ITIH5: variants seen among roughly 807,000 people sequenced by gnomAD.
The protein encoded by ITIH5 is inter-alpha-trypsin inhibitor heavy chain H5.
ITIH5 carries 65 observed loss-of-function variants against 77.5 expected under a neutral mutation model. The ratio of observed to expected loss-of-function variants is 0.84; its 90% confidence interval spans 0.69 to 1.03. The LOEUF is 1.03. ITIH5 is among the 50% of genes least tolerant of loss of function. The pLI, the probability that ITIH5 is intolerant of heterozygous loss-of-function variation, is 0.00. For synonymous variants in ITIH5, 525 were observed against 494.3 expected, an observed-to-expected ratio of 1.06 and a Z score of -0.82; for missense variants, 1,208 against 1,213.1, an observed-to-expected ratio of 1.00 and a Z score of 0.06.
intron 2 of ITIH5, among the ~76,000 whole-genome samples, chr10:7,654,315 A>G (rs1200414451): frequency 6.6e-6 from 1 of 152,142 alleles, no homozygotes; most frequent in African/African-American, 2.4e-5. Flanking sequence ...ATTTACATGT[A>G]TGTATGTATT....
In ITIH5 at chr10:7,644,371, T is replaced by TATATATCACATATATCAC. The variant is rs71383930; in HGVS notation, c.136-2299_136-2282dup. ...TCACATATATATCATATATATCACA[T>TATATATCACATATATCAC]ATATATCACATATATCACATATATC... On this transcript the variant is annotated intron_variant, in intron 2 of 13. Transcript: ENST00000397146. Among the ~76,000 whole-genome samples the TATATATCACATATATCAC allele has an allele frequency of 4.7e-4, 65 of 139,580 alleles. 1 individual carries two copies. In the East Asian group the frequency reaches 0.013, roughly 28 times the overall value. 91.6% of individuals were successfully genotyped at this position (139,580 alleles called of 152,430 possible).
chr10:7,624,983 C>A (rs1456725977), intron 5 of ITIH5, among the ~76,000 whole-genome samples: 1 of 149,570 alleles, frequency 6.7e-6, no homozygotes, highest in Non-Finnish European at 1.5e-5. Context: ...CTGCCCCAAG[C>A]ATTTGAATTC....
Position 7,563,074 on chromosome 10 carries a change from C to G in ITIH5, c.*9G>C. The G allele has an allele frequency of 6.2e-7, 1 of 1,612,830 alleles. No individual in the cohort carries two copies. The highest frequency in any genetic ancestry group is 2.2e-5 in the East Asian group (1 of 44,876). Reference sequence around the variant, plus strand: ...CCTTCATGCACTTGCATCTTTAAGGCTGCCAGCTTCAGAGCTCCCTGGACA... The same window carrying G: ...CCTTCATGCACTTGCATCTTTAAGGGTGCCAGCTTCAGAGCTCCCTGGACA... On this transcript the variant is annotated 3_prime_UTR_variant, in exon 14 of 14. Coordinates refer to ENST00000397146, the MANE Select transcript of ITIH5 (RefSeq NM_030569.7).
At chr10:7,603,235 T>C (rs1390936003) in intron 7 of ITIH5, among the ~76,000 whole-genome samples, 3 of 152,200 alleles carry the variant, frequency 2.0e-5, no homozygotes, top group Non-Finnish European at 4.4e-5. Flanking sequence ...GAAGTGCAGA[T>C]GCACACTACG....
intron 7 of ITIH5, among the ~76,000 whole-genome samples, chr10:7,588,170 G>T (rs765592054): frequency 5.3e-5 from 8 of 152,184 alleles, no homozygotes; most frequent in Admixed American, 1.3e-4. Context: ...GATCACTTAA[G>T]GTCAGAAGTT....
chr10:7,573,189 A>G lies in ITIH5; in HGVS notation c.1985T>C (p.Leu662Ser). The change falls in exon 11 of 14, where the codon TTG (leucine) becomes TCG (serine). Residue 662 changes from leucine (L) to serine (S), a missense_variant. Leu to Ser is a moderately radical substitution (Grantham distance 145, BLOSUM62 -2). Coordinates refer to ENST00000397146, the MANE Select transcript of ITIH5 (RefSeq NM_030569.7). ...TCTTGGCTGGTATGGCTTCTTGAGC[A>G]AAGGTCCTAAAAGGGAGAAGGAAGA... ...VRGAGTQPGP[L>S]LKKPYQPRIK... The G allele has an allele frequency of 1.2e-6, 2 of 1,612,720 alleles. No homozygotes were observed. The highest frequency in any genetic ancestry group is 8.5e-7 in the Non-Finnish European group (1 of 1,178,734).
At chr10:7,626,263 G>A (rs963990172) in intron 5 of ITIH5, among the ~76,000 whole-genome samples, 17 of 152,158 alleles carry the variant, frequency 1.1e-4, no homozygotes, top group Non-Finnish European at 1.6e-4. Flanking sequence ...GTGTCTCACC[G>A]GTATTGGGCT....
At position 7,576,088 on chromosome 10, in the gene ITIH5, G is replaced by A. The variant is rs555826971; in HGVS notation, c.1978+365C>T. Among the ~76,000 whole-genome samples the A allele has an allele frequency of 4.6e-5, 7 of 152,270 alleles. No individual in the cohort carries two copies. The East Asian group carries it at 1.2e-3, about 25-fold the overall frequency. On this transcript the variant is annotated intron_variant, in intron 10 of 13. Transcript: ENST00000397146. ...CACCCAGGTTGGAGAGCAATGGTAC[G>A]ATCATGGCTCACTGCAGCCTCAAAC...
intron 2 of ITIH5, among the ~76,000 whole-genome samples, chr10:7,653,313 C>G (rs948306489): frequency 1.3e-5 from 2 of 152,046 alleles, no homozygotes; most frequent in Non-Finnish European, 2.9e-5. Flanking sequence ...TTCAAGCAAT[C>G]CTCCCGCCTC....
intron 8 of ITIH5, among the ~76,000 whole-genome samples, chr10:7,585,592 A>T (rs7072983): frequency 0.29 from 43,412 of 152,060 alleles, 6,916 homozygotes; most frequent in Non-Finnish European, 0.35. Context: ...TTACAAAAAC[A>T]GTATTGTTTT....
intron 9 of ITIH5, among the ~76,000 whole-genome samples, chr10:7,577,664 C>T (rs1195187871): frequency 6.6e-6 from 1 of 152,226 alleles, no homozygotes; most frequent in African/African-American, 2.4e-5. Context: ...GTTGCATGGT[C>T]GCTTCTTGCT....
At chr10:7,565,529 T>C (rs1015384103) in intron 13 of ITIH5, among the ~76,000 whole-genome samples, 74 of 149,976 alleles carry the variant, frequency 4.9e-4, no homozygotes, top group African/African-American at 1.7e-3. Flanking sequence ...ACTGTATATA[T>C]ACATACTTAT....
At chr10:7,593,298 G>A (rs1291100800) in intron 7 of ITIH5, among the ~76,000 whole-genome samples, 4 of 151,986 alleles carry the variant, frequency 2.6e-5, no homozygotes, top group African/African-American at 9.7e-5. Context: ...CATGTGGATG[G>A]ACTCCTGCCC....
At chr10:7,666,431 G>T (rs531000049) in intron 1 of ITIH5, among the ~76,000 whole-genome samples, 1 of 152,082 alleles carries the variant, frequency 6.6e-6, no homozygotes, top group East Asian at 1.9e-4. Flanking sequence ...GGATCAACTG[G>T]GAATGATGAT....
intron 7 of ITIH5, among the ~76,000 whole-genome samples, chr10:7,587,799 A>C (rs1385397633): frequency 2.0e-5 from 3 of 152,178 alleles, no homozygotes; most frequent in African/African-American, 7.2e-5. Context: ...ACATGTGCTA[A>C]GTGGCTCTGG....
At chr10:7,625,959 A>C (rs560400838) in intron 5 of ITIH5, among the ~76,000 whole-genome samples, 33 of 152,334 alleles carry the variant, frequency 2.2e-4, no homozygotes, top group African/African-American at 7.7e-4. Context: ...AACATGTGAG[A>C]GTTCACGTCC....
rs1436753832 is a variant in ITIH5 at position 7,560,986 on chromosome 10, A to G, written c.*2097T>C. ...TATATTTTTTTTTTATCAAATGCAA[A>G]GGTCCTAACTATAAGCTTGGTATGG... On this transcript the variant is annotated 3_prime_UTR_variant, in exon 14 of 14. Transcript: ENST00000397146. 2 of 151,562 alleles carry G rather than the reference A, an allele frequency of 1.3e-5. No homozygotes were observed. Among genetic ancestry groups the G allele is most frequent in the African/African-American group, 4.9e-5 (2 of 41,200 alleles). The allele number at this position is 151,562 out of a possible 1,614,324, so 9.4% of individuals were successfully genotyped here.
At chr10:7,573,667 C>A (rs1321922229) in intron 10 of ITIH5, among the ~76,000 whole-genome samples, 1 of 87,034 alleles carries the variant, frequency 1.1e-5, no homozygotes, top group Admixed American at 1.9e-4. Flanking sequence ...CAGAGTGAGA[C>A]TGTCTCAAAA....
chr10:7,628,496 G>A (rs1833623768), intron 5 of ITIH5, among the ~76,000 whole-genome samples: 1 of 113,890 alleles, frequency 8.8e-6, no homozygotes, highest in Admixed American at 9.0e-5. Context: ...GTGTTATAGT[G>A]TGTATCCATG....
Sources: allele counts gnomAD v4.1 joint callset (sites outside exome capture counted in the v4.1 genomes callset), GRCh38; gene constraint gnomAD v4.1.1; transcripts MANE v1.5; gene names NCBI Gene and HGNC (gene_info 2026-07-23, HGNC 2026-07-21).